The following LDLRAD4 variants were observed in gnomAD, a reference collection of about 807,000 sequenced individuals.
LDLRAD4 encodes low-density lipoprotein receptor class A domain-containing protein 4.
LDLRAD4 carries 5 observed loss-of-function variants against 17.0 expected under a neutral mutation model. That is an observed-to-expected ratio of 0.29 (90% CI 0.15 to 0.62). The LOEUF (loss-of-function observed/expected upper bound fraction) is 0.62, where lower values mean the gene tolerates loss of function less well. Ranked by LOEUF, LDLRAD4 falls within the 20% of genes least tolerant of loss-of-function variation. The pLI is 0.84. For synonymous variants in LDLRAD4, 168 were observed against 171.8 expected (o/e 0.98, Z 0.17); for missense variants, 340 against 424.7 (o/e 0.80, Z 1.75).
intron 3 of LDLRAD4, among the ~76,000 whole-genome samples, chr18:13,610,303 T>C (rs1254006000): frequency 0.04 from 2,378 of 59,158 alleles, 381 homozygotes; most frequent in Middle Eastern, 0.062. Context: ...TTTTTTTTTT[T>C]TTGAGACGGA....
intron 3 of LDLRAD4, among the ~76,000 whole-genome samples, chr18:13,479,835 C>T (rs1381868636): frequency 6.6e-6 from 1 of 152,134 alleles, no homozygotes. Context: ...AAAAGATGCT[C>T]CACACCATAT....
At chr18:13,611,285 A>G (rs984278043) in intron 3 of LDLRAD4, 4 of 164,416 alleles carry the variant, frequency 2.4e-5, no homozygotes, top group African/African-American at 9.6e-5. Context: ...GTTATGGCCC[A>G]CATGTCATTC....
intron 3 of LDLRAD4, among the ~76,000 whole-genome samples, chr18:13,585,805 A>G (rs1422227680): frequency 2.0e-5 from 3 of 152,216 alleles, no homozygotes; most frequent in Non-Finnish European, 2.9e-5. Flanking sequence ...ATTACAGAAT[A>G]ATAAGCTCTG....
chr18:13,339,249 T>C (rs1387914219), intron 1 of LDLRAD4, among the ~76,000 whole-genome samples: 2 of 151,820 alleles, frequency 1.3e-5, no homozygotes, highest in East Asian at 3.9e-4. Flanking sequence ...CTTGCTCTGT[T>C]GCCCAGGCTG....
chr18:13,256,647 A>T (rs988411446), intron 1 of LDLRAD4, among the ~76,000 whole-genome samples: 3 of 152,246 alleles, frequency 2.0e-5, no homozygotes, highest in African/African-American at 7.2e-5. Context: ...GTCAGGTTAC[A>T]GATCGACCCC....
At chr18:13,449,320 CTT>C (rs761797216) in intron 3 of LDLRAD4, among the ~76,000 whole-genome samples, 1 of 152,188 alleles carries the variant, frequency 6.6e-6, no homozygotes, top group Admixed American at 6.5e-5. Context: ...AGGGCAGAAA[CTT>C]TTCATTCCCT....
At chr18:13,614,147 G>T (rs2039865328) in intron 3 of LDLRAD4, 1 of 152,228 alleles carries the variant, frequency 6.6e-6, no homozygotes, top group Non-Finnish European at 1.5e-5. Context: ...CGTTCTTAGG[G>T]CTTCTCCACC....
At chr18:13,245,914 G>A (rs563097518) in intron 1 of LDLRAD4, among the ~76,000 whole-genome samples, 1 of 152,352 alleles carries the variant, frequency 6.6e-6, no homozygotes, top group Non-Finnish European at 1.5e-5. Flanking sequence ...CTGAGCCCGT[G>A]TCTTGCACAG....
intron 1 of LDLRAD4, among the ~76,000 whole-genome samples, chr18:13,298,527 C>T (rs1447605258): frequency 1.4e-5 from 2 of 142,650 alleles, no homozygotes; most frequent in Non-Finnish European, 3.0e-5. Context: ...GTGATGGGAG[C>T]TGCTCTGGGC....
intron 1 of LDLRAD4, among the ~76,000 whole-genome samples, chr18:13,232,824 G>A (rs968212075): frequency 6.6e-6 from 1 of 152,154 alleles, no homozygotes; most frequent in Non-Finnish European, 1.5e-5. Flanking sequence ...TGGGAGAGGC[G>A]CGTGCCAGCT....
chr18:13,642,598 T>C, intron 4 of LDLRAD4: 1 of 1,229,482 alleles, frequency 8.1e-7, no homozygotes, highest in South Asian at 4.2e-5. Flanking sequence ...GAAAGGGCCG[T>C]CCACCTGCGA....
At chr18:13,339,931 A>G (rs2082287765) in intron 1 of LDLRAD4, among the ~76,000 whole-genome samples, 1 of 152,260 alleles carries the variant, frequency 6.6e-6, no homozygotes, top group South Asian at 2.1e-4. Flanking sequence ...TATCCATTAA[A>G]CACTAAGCCC....
intron 1 of LDLRAD4, among the ~76,000 whole-genome samples, chr18:13,259,977 G>A (rs1308348430): frequency 1.3e-5 from 2 of 152,254 alleles, no homozygotes; most frequent in Non-Finnish European, 2.9e-5. Flanking sequence ...GGGCTGTGTG[G>A]TCTGTCCAGC....
At chr18:13,496,624 G>A (rs891733220) in intron 3 of LDLRAD4, among the ~76,000 whole-genome samples, 6 of 152,184 alleles carry the variant, frequency 3.9e-5, no homozygotes, top group Admixed American at 6.5e-5. Flanking sequence ...ACTGGGTCAC[G>A]TCATTTGATG....
At chr18:13,366,040 T>C (rs1007732577) in intron 1 of LDLRAD4, 1 of 152,202 alleles carries the variant, frequency 6.6e-6, no homozygotes, top group Non-Finnish European at 1.5e-5. Flanking sequence ...CCCAAAGTGC[T>C]GGGATTACAG....
At chr18:13,259,894 A>G (rs11080638) in intron 1 of LDLRAD4, among the ~76,000 whole-genome samples, 68,257 of 152,210 alleles carry the variant, frequency 0.45, 16,925 homozygotes, top group Middle Eastern at 0.59. Context: ...TCTTGGCCCA[A>G]TGGAGGCCCC....
At chr18:13,539,430 G>A (rs1264581493) in intron 3 of LDLRAD4, among the ~76,000 whole-genome samples, 1 of 152,228 alleles carries the variant, frequency 6.6e-6, no homozygotes, top group African/African-American at 2.4e-5. Flanking sequence ...GAAAAAGCTA[G>A]TATTTCTCTT....
chr18:13,348,845 C>A (rs1568035335), intron 1 of LDLRAD4, among the ~76,000 whole-genome samples: 1 of 152,172 alleles, frequency 6.6e-6, no homozygotes, highest in Non-Finnish European at 1.5e-5. Context: ...ATAAACGAGG[C>A]TCCATGGGTG....
At chr18:13,450,404 A>C (rs2091755063) in intron 3 of LDLRAD4, among the ~76,000 whole-genome samples, 1 of 142,668 alleles carries the variant, frequency 7.0e-6, no homozygotes, top group African/African-American at 2.6e-5. Context: ...ATAGTTGTTG[A>C]AAGATTATGT....
Sources: allele counts gnomAD v4.1 joint callset (sites outside exome capture counted in the v4.1 genomes callset), GRCh38; gene constraint gnomAD v4.1.1; transcripts MANE v1.5; gene names NCBI Gene and HGNC (gene_info 2026-07-23, HGNC 2026-07-21).